RFFL: variants seen among roughly 807,000 people sequenced by gnomAD.
The protein encoded by RFFL is ring finger and FYVE like domain containing E3 ubiquitin protein ligase.
Under a neutral mutation model 40.4 loss-of-function variants are expected in RFFL, and 16 were observed. The observed-to-expected ratio is 0.40, with a 90% confidence interval of 0.27 to 0.60. The LOEUF (loss-of-function observed/expected upper bound fraction) is 0.60. Among genes scored for constraint, RFFL ranks in the 20% least tolerant of loss-of-function variants. RFFL has a pLI of 0.47. For synonymous variants in RFFL, 154 were observed against 167.9 expected (o/e 0.92, Z 0.64); for missense variants, 367 against 451.7 (o/e 0.81, Z 1.70).
chr17:35,015,858 AT>A (rs1194620006), intron 5 of RFFL, among the ~76,000 whole-genome samples: 1 of 152,230 alleles, frequency 6.6e-6, no homozygotes, highest in Admixed American at 6.5e-5. Flanking sequence ...ACAGACCCAG[AT>A]ATTTTCCTGG....
intron 3 of RFFL, 56 bp downstream of exon 3, chr17:35,021,309 GGAAAAT>G: frequency 4.1e-6 from 6 of 1,467,366 alleles, no homozygotes; most frequent in Non-Finnish European, 5.5e-6. Flanking sequence ...AGGCAGGAGA[GGAAAAT>G]GAAAATGAGC....
intron 1 of RFFL, among the ~76,000 whole-genome samples, chr17:35,060,992 G>A (rs962482534): frequency 3.9e-5 from 6 of 152,136 alleles, no homozygotes; most frequent in Admixed American, 3.3e-4. Flanking sequence ...GAGTCCATTG[G>A]GAAAAGGCAG....
chr17:35,046,614 C>A (rs2091201663), intron 1 of RFFL, among the ~76,000 whole-genome samples: 1 of 152,188 alleles, frequency 6.6e-6, no homozygotes, highest in Non-Finnish European at 1.5e-5. Context: ...AATAAGTGAG[C>A]TCTTTTTCTT....
At chr17:35,051,555 A>G (rs2091231844) in intron 1 of RFFL, among the ~76,000 whole-genome samples, 1 of 152,212 alleles carries the variant, frequency 6.6e-6, no homozygotes, top group Non-Finnish European at 1.5e-5. Context: ...AAAACCAATC[A>G]TGAGTGTCTA....
chr17:35,029,599 C>A (rs1232611858), intron 1 of RFFL, among the ~76,000 whole-genome samples: 3 of 150,284 alleles, frequency 2.0e-5, no homozygotes. Flanking sequence ...CAGCTCACTG[C>A]AAGCTCCGCC....
At chr17:35,018,492 C>T (rs949556413) in intron 3 of RFFL, among the ~76,000 whole-genome samples, 17 of 152,132 alleles carry the variant, frequency 1.1e-4, no homozygotes, top group African/African-American at 3.4e-4. Flanking sequence ...CCCACTGCTC[C>T]CTGCAGGCAA....
intron 3 of RFFL, among the ~76,000 whole-genome samples, chr17:35,019,925 G>C (rs1169409685): frequency 6.6e-6 from 1 of 152,208 alleles, no homozygotes; most frequent in Non-Finnish European, 1.5e-5. Context: ...ATGCCTCAGT[G>C]GTTGTCAAGA....
At position 35,011,451 on chromosome 17, in the gene RFFL, G is replaced by C. The variant is rs1453317065; in HGVS notation, c.*517C>G. 6.5e-6 allele frequency: 1 copy of C among 154,056 alleles called. No homozygotes were observed. Among genetic ancestry groups the C allele is most frequent in the Non-Finnish European group, 1.4e-5 (1 of 69,188 alleles). The allele number at this position is 154,056 out of a possible 1,614,324, so 9.5% of individuals were successfully genotyped here. ...ATCGGTCTGGTAAACTAACATTTTTGGTCCAAAGAAACAAATGGATTTAGG... is the reference window on the plus strand; with the variant it reads ...ATCGGTCTGGTAAACTAACATTTTTCGTCCAAAGAAACAAATGGATTTAGG... On this transcript the variant is annotated 3_prime_UTR_variant, in exon 7 of 7. Transcript: ENST00000394597.
intron 1 of RFFL, chr17:35,074,325 A>T (rs1248704906): frequency 1.3e-5 from 2 of 152,318 alleles, no homozygotes; most frequent in South Asian, 2.1e-4. Context: ...CTTACCTGGA[A>T]ACCACATCTT....
chr17:35,032,621 G>A (rs1451484306), intron 1 of RFFL, among the ~76,000 whole-genome samples: 1 of 152,058 alleles, frequency 6.6e-6, no homozygotes, highest in East Asian at 1.9e-4. Context: ...ACATGCTGAT[G>A]TATACACAGG....
At chr17:35,063,054 T>G (rs145720192) in intron 1 of RFFL, among the ~76,000 whole-genome samples, 3 of 152,232 alleles carry the variant, frequency 2.0e-5, no homozygotes, top group African/African-American at 7.2e-5. Flanking sequence ...AAAAACAAAA[T>G]ACAAGAGCAA....
intron 4 of RFFL, among the ~76,000 whole-genome samples, chr17:35,017,107 A>G (rs1383792986): frequency 6.6e-6 from 1 of 151,972 alleles, no homozygotes. Context: ...ACTCCTCTAT[A>G]CACAACCTTG....
intron 1 of RFFL, among the ~76,000 whole-genome samples, chr17:35,026,992 C>T (rs1478506750): frequency 1.3e-5 from 2 of 152,156 alleles, no homozygotes; most frequent in South Asian, 2.1e-4. Flanking sequence ...TGAGCCATGG[C>T]GCTGAGCTGG....
At chr17:35,077,493 C>G (rs1483498194) in intron 1 of RFFL, among the ~76,000 whole-genome samples, 1 of 152,298 alleles carries the variant, frequency 6.6e-6, no homozygotes, top group East Asian at 1.9e-4. Context: ...GTACTTTACA[C>G]AATTATTGGC....
intron 1 of RFFL, chr17:35,076,798 C>A (rs991254122): frequency 4.6e-6 from 1 of 218,478 alleles, no homozygotes; most frequent in South Asian, 8.3e-5. Flanking sequence ...GACGTACCAC[C>A]TTCAGAAGTC....
At chr17:35,031,387 G>A (rs573833901) in intron 1 of RFFL, among the ~76,000 whole-genome samples, 2 of 152,118 alleles carry the variant, frequency 1.3e-5, no homozygotes, top group African/African-American at 4.8e-5. Flanking sequence ...GATTACAGGC[G>A]TGAGCCACCA....
Position 35,012,034 on chromosome 17 carries a change from C to T in RFFL, c.1026G>A (p.Lys342=), listed in dbSNP as rs770280470. The T allele has an allele frequency of 1.9e-6, 3 of 1,614,210 alleles. No homozygotes were observed. The Admixed American group carries it at 5.0e-5, about 27-fold the overall frequency. Residue 342 remains lysine (K), a synonymous_variant, in exon 7 of 7, where the codon AAG becomes AAA. Transcript: ENST00000394597. The part of the protein sequence containing the change: ...GHMVTCTKCG[K]RMNECPICRQ... The stretch of plus-strand genomic sequence containing the variant: ...GGCAGATGGGACATTCATTCATGCG[C>T]TTGCCACACTTGGTACAGGTTACCA...
At chr17:35,068,424 C>T (rs2091331406), upstream of RFFL, among the ~76,000 whole-genome samples, 1 of 152,184 alleles carries the variant, frequency 6.6e-6, no homozygotes, top group South Asian at 2.1e-4. Context: ...ACCAGGCAGT[C>T]CCTTTAATCT....
chr17:35,020,193 T>G (rs187902811), intron 3 of RFFL, among the ~76,000 whole-genome samples: 11 of 152,136 alleles, frequency 7.2e-5, no homozygotes, highest in African/African-American at 2.7e-4. Context: ...GTGACAAAAG[T>G]GGATGTGGAA....
Sources: gnomAD v4.1 joint callset for allele counts (sites outside exome capture counted in the v4.1 genomes callset) on GRCh38, gnomAD v4.1.1 for gene constraint, MANE v1.5 for transcripts, NCBI Gene and HGNC (gene_info 2026-07-23, HGNC 2026-07-21) for gene names.